SYNE1: variants seen among roughly 807,000 people sequenced by gnomAD.
SYNE1 encodes spectrin repeat containing nuclear envelope protein 1.
A neutral mutation model predicts 1,111.0 loss-of-function variants in SYNE1; 616 were observed. The observed-to-expected ratio is 0.55, with a 90% CI of 0.52 to 0.59. SYNE1 has a LOEUF of 0.59. Among genes scored for constraint, SYNE1 ranks in the 20% least tolerant of loss-of-function variants. SYNE1 has a pLI of 0.00. For synonymous variants in SYNE1, 3,855 were observed against 3,825.8 expected (o/e 1.01, Z -0.28); for missense variants, 10,006 against 10,417.0 (o/e 0.96, Z 1.72).
chr6:152,463,566 G>C, intron 18 of SYNE1, 49 bp from the exon 19 acceptor site: 1 of 1,479,908 alleles, frequency 6.8e-7, no homozygotes, highest in Non-Finnish European at 9.4e-7. Context: ...CCAAATATCA[G>C]TGACTGATAT....
intron 58 of SYNE1, among the ~76,000 whole-genome samples, chr6:152,373,543 G>A (rs1053742670): frequency 3.2e-4 from 48 of 152,252 alleles, no homozygotes; most frequent in African/African-American, 1.1e-3. Flanking sequence ...GCATCCCAAA[G>A]TGCTGGGATT....
chr6:152,596,271 T>G (rs1583132011), intron 3 of SYNE1, among the ~76,000 whole-genome samples: 1 of 25,420 alleles, frequency 3.9e-5, no homozygotes, highest in East Asian at 1.5e-3. Context: ...TGTTTGTTTG[T>G]TTTTTTTTTT....
chr6:152,371,885 A>AGGAC (rs2097191351), intron 59 of SYNE1, among the ~76,000 whole-genome samples: 1 of 80,158 alleles, frequency 1.2e-5, no homozygotes, highest in African/African-American at 4.7e-5. Context: ...AAGGAAAGGA[A>AGGAC]AGGAAAGGAA....
At chr6:152,294,496 A>G (rs2094771516) in intron 93 of SYNE1, among the ~76,000 whole-genome samples, 1 of 152,184 alleles carries the variant, frequency 6.6e-6, no homozygotes, top group Non-Finnish European at 1.5e-5. Flanking sequence ...AGTTCCTAAA[A>G]TGTTGTCGAA....
intron 98 of SYNE1, among the ~76,000 whole-genome samples, chr6:152,274,638 C>T (rs2093455845): frequency 6.6e-6 from 1 of 152,006 alleles, no homozygotes; most frequent in African/African-American, 2.4e-5. Flanking sequence ...CTCCTGTTGC[C>T]CAGGCTGGAG....
chr6:152,163,153 G>A (rs2635474), intron 131 of SYNE1, among the ~76,000 whole-genome samples: 105,921 of 152,024 alleles, frequency 0.7, 37,031 homozygotes, highest in South Asian at 0.77. Flanking sequence ...CCTCTAGCGG[G>A]GGATTTACAG....
chr6:152,584,308 ATACTT>A (rs1229140685), intron 3 of SYNE1, among the ~76,000 whole-genome samples: 2 of 152,190 alleles, frequency 1.3e-5, no homozygotes, highest in African/African-American at 2.4e-5. Flanking sequence ...GGATCATACT[ATACTT>A]TAACTTTTTA....
At chr6:152,225,614 G>A (rs1256245420) in intron 116 of SYNE1, 107 bp downstream of exon 116, 28 of 1,308,386 alleles carry the variant, frequency 2.1e-5, no homozygotes, top group Non-Finnish European at 3.0e-5. Context: ...AGGAGATAAT[G>A]TATAGATTTG....
At chr6:152,525,763 C>A (rs2099160737) in intron 5 of SYNE1, among the ~76,000 whole-genome samples, 1 of 152,172 alleles carries the variant, frequency 6.6e-6, no homozygotes. Flanking sequence ...TGGTAATTTG[C>A]AACTAATCTT....
intron 14 of SYNE1, chr6:152,480,655 C>T (rs769155216): frequency 1.5e-5 from 6 of 401,066 alleles, no homozygotes; most frequent in Non-Finnish European, 2.9e-5. Flanking sequence ...CTTTAAGTAC[C>T]CATGCCCAGG....
chr6:152,611,890 A>C (rs1262647801), intron 3 of SYNE1, among the ~76,000 whole-genome samples: 2 of 152,102 alleles, frequency 1.3e-5, no homozygotes, highest in Non-Finnish European at 2.9e-5. Context: ...CCTGCTCCTG[A>C]ATGACTGCTG....
intron 97 of SYNE1, 53 bp downstream of exon 97, chr6:152,281,754 T>C: frequency 6.2e-7 from 1 of 1,603,542 alleles, no homozygotes; most frequent in Non-Finnish European, 8.5e-7. Context: ...TTCTGTAGTT[T>C]AAAAAAATGT....
Position 152,141,246 on chromosome 6 carries a change from A to G in SYNE1, c.25203T>C (p.Leu8401=). 1 of 1,614,168 alleles carries G rather than the reference A, an allele frequency of 6.2e-7. No individual in the cohort carries two copies. The highest frequency in any genetic ancestry group is 8.5e-7 in the Non-Finnish European group (1 of 1,180,026). Residue 8401 remains leucine, a synonymous_variant, in exon 139 of 146, where the codon CTT becomes CTC. Transcript: ENST00000367255. ...TACTATGCAGGTTAACAAAGCCAGG[A>G]AGGCTCTCCTCTTCCTCCTTCAGTT... ...EHKLKEEEES[L]PGFVNLHSTE...
chr6:152,159,614 T>C (rs2062036365), intron 131 of SYNE1, among the ~76,000 whole-genome samples: 1 of 152,114 alleles, frequency 6.6e-6, no homozygotes, highest in South Asian at 2.1e-4. Context: ...CTACCCTTTT[T>C]AATTTTTTGA....
At chr6:152,442,352 T>G (rs1254648556) in intron 30 of SYNE1, 107 bp from the exon 31 acceptor site, 17 of 1,351,628 alleles carry the variant, frequency 1.3e-5, no homozygotes, top group African/African-American at 2.9e-5. Flanking sequence ...GGGCCCGAAA[T>G]GTATTTTAAA....
intron 32 of SYNE1, among the ~76,000 whole-genome samples, chr6:152,437,101 G>A (rs192921218): frequency 2.0e-5 from 3 of 152,014 alleles, no homozygotes; most frequent in Non-Finnish European, 4.4e-5. Context: ...CAGTGAGCAG[G>A]CATAATGGCG....
At chr6:152,430,787 G>T in intron 34 of SYNE1, 78 bp from the exon 35 acceptor site, 1 of 1,322,710 alleles carries the variant, frequency 7.6e-7, no homozygotes, top group Non-Finnish European at 1.1e-6. Flanking sequence ...TATCTGCAAA[G>T]AGGGAATATT....
At chr6:152,168,194 G>A (rs771214436) in intron 130 of SYNE1, 19 of 769,496 alleles carry the variant, frequency 2.5e-5, no homozygotes, top group African/African-American at 6.8e-5. Context: ...CAGGTCCTCC[G>A]CCACCACCAT....
At position 152,234,780 on chromosome 6, in the gene SYNE1, T is replaced by A; in HGVS notation, c.20417A>T (p.Asp6806Val). 6.2e-7 allele frequency: 1 copy of A among 1,614,184 alleles called. No homozygotes were observed. Among genetic ancestry groups the A allele is most frequent in the South Asian group, 1.1e-5 (1 of 91,086 alleles). ...TGCAGATTGTAACCAGTGAATTAGATCTGCAGATTCACTTTGATATCTGTT... is the reference window on the plus strand; with the variant it reads ...TGCAGATTGTAACCAGTGAATTAGAACTGCAGATTCACTTTGATATCTGTT... ...HWTRYQSESA[D>V]LIHWLQSAKD... The change falls in exon 111 of 146, where the codon GAT becomes GTT. Residue 6806 changes from aspartate to valine, a missense_variant. Asp to Val is a radical substitution (Grantham distance 152). Coordinates refer to ENST00000367255, the MANE Select transcript of SYNE1 (RefSeq NM_182961.4).
Sources: allele counts gnomAD v4.1 joint callset (sites outside exome capture counted in the v4.1 genomes callset), GRCh38; gene constraint gnomAD v4.1.1; transcripts MANE v1.5; gene names NCBI Gene and HGNC (gene_info 2026-07-23, HGNC 2026-07-21).